Variants in TRPM3 observed in about 807,000 individuals in gnomAD.
TRPM3 encodes the protein long transient receptor potential channel 3.
In TRPM3, 77 loss-of-function variants were observed where a neutral mutation model predicts 181.2. The ratio of observed to expected loss-of-function variants is 0.42; its 90% CI spans 0.35 to 0.51. The LOEUF (loss-of-function observed/expected upper bound fraction) is 0.51, where lower values mean the gene tolerates loss of function less well. Among genes scored for constraint, TRPM3 ranks in the 20% least tolerant of loss-of-function variants. The pLI, the probability that TRPM3 is intolerant of heterozygous loss-of-function variation, is 0.01. For missense variants in TRPM3, 1,759 were observed against 2,196.7 expected (o/e 0.80, Z 3.98); for synonymous variants, 745 against 796.4 (o/e 0.94, Z 1.09).
intron 1 of TRPM3, among the ~76,000 whole-genome samples, chr9:71,436,283 CT>C (rs371953373): frequency 0.022 from 2,988 of 136,386 alleles, 100 homozygotes; most frequent in African/African-American, 0.074. Flanking sequence ...TTAAACCTCT[CT>C]TTTTTTTTTC....
chr9:70,981,876 T>C (rs537979371), intron 1 of TRPM3, among the ~76,000 whole-genome samples: 1 of 152,182 alleles, frequency 6.6e-6, no homozygotes, highest in African/African-American at 2.4e-5. Context: ...CTTTGTATTA[T>C]CCCCAAACAA....
intron 9 of TRPM3, among the ~76,000 whole-genome samples, chr9:70,656,995 G>T (rs2060441576): frequency 6.6e-6 from 1 of 151,238 alleles, no homozygotes; most frequent in Non-Finnish European, 1.5e-5. Context: ...CATGGTAAAT[G>T]TAGTCCTAGA....
chr9:71,353,721 TAA>T (rs147140259), intron 1 of TRPM3, among the ~76,000 whole-genome samples: 2,190 of 152,324 alleles, frequency 0.014, 25 homozygotes, highest in Non-Finnish European at 0.024. Context: ...ACCCCAAACC[TAA>T]GTTTCCCTTC....
chr9:71,211,380 G>T (rs114249723), intron 1 of TRPM3, among the ~76,000 whole-genome samples: 208 of 148,708 alleles, frequency 1.4e-3, no homozygotes, highest in African/African-American at 4.8e-3. Flanking sequence ...TTTTTAAATA[G>T]GAAGAGTAGT....
At chr9:71,178,543 CAT>C (rs1275763936) in intron 1 of TRPM3, among the ~76,000 whole-genome samples, 3 of 152,070 alleles carry the variant, frequency 2.0e-5, no homozygotes, top group African/African-American at 7.2e-5. Flanking sequence ...AAAAATCTGA[CAT>C]GTGACATTTG....
chr9:70,606,651 G>GTGTGTGTGTGTA (rs145779027), intron 19 of TRPM3, among the ~76,000 whole-genome samples: 19 of 140,682 alleles, frequency 1.4e-4, no homozygotes, highest in South Asian at 9.2e-4. Flanking sequence ...GTGTGTGTGT[G>GTGTGTGTGTGTA]TATATATATA....
chr9:70,743,236 T>G (rs1451780534), intron 8 of TRPM3, among the ~76,000 whole-genome samples: 5 of 152,154 alleles, frequency 3.3e-5, no homozygotes, highest in African/African-American at 2.4e-5. Flanking sequence ...GCTAAGGAAC[T>G]GAAACTTAAT....
At chr9:70,558,018 A>G (rs1238121073) in intron 22 of TRPM3, among the ~76,000 whole-genome samples, 1 of 152,224 alleles carries the variant, frequency 6.6e-6, no homozygotes, top group Non-Finnish European at 1.5e-5. Flanking sequence ...AAGGTTAATC[A>G]GTGTATTTTA....
At chr9:71,374,634 G>C (rs950540074) in intron 1 of TRPM3, among the ~76,000 whole-genome samples, 1 of 152,132 alleles carries the variant, frequency 6.6e-6, no homozygotes, top group Non-Finnish European at 1.5e-5. Context: ...GGGTGTTCAA[G>C]TAGGAAAAGA....
At chr9:71,038,226 A>G (rs1292713272) in intron 1 of TRPM3, among the ~76,000 whole-genome samples, 2 of 152,190 alleles carry the variant, frequency 1.3e-5, no homozygotes, top group Admixed American at 6.5e-5. Context: ...CCACTAATGA[A>G]TGTAGATCAG....
At chr9:71,234,671 A>T (rs570168416) in intron 1 of TRPM3, among the ~76,000 whole-genome samples, 82 of 152,148 alleles carry the variant, frequency 5.4e-4, no homozygotes, top group African/African-American at 2.0e-3. Flanking sequence ...ACCCACCTTA[A>T]TGTCTTCATT....
chr9:70,842,978 G>C (rs764288438), intron 5 of TRPM3, 25 bp downstream of exon 5: 2 of 1,608,066 alleles, frequency 1.2e-6, no homozygotes, highest in Non-Finnish European at 1.7e-6. Flanking sequence ...AGAAGTCATG[G>C]AAAGCGACAG....
chr9:70,947,647 G>A (rs915289554), intron 1 of TRPM3, among the ~76,000 whole-genome samples: 12 of 152,090 alleles, frequency 7.9e-5, no homozygotes, highest in Admixed American at 4.6e-4. Context: ...CAGAGAAGGT[G>A]GGGGGATGGA....
chr9:71,201,520 G>A (rs966574375), intron 1 of TRPM3, among the ~76,000 whole-genome samples: 62 of 152,098 alleles, frequency 4.1e-4, no homozygotes, highest in African/African-American at 1.4e-3. Context: ...CCAATCAGAC[G>A]TAGATTTGGT....
chr9:71,045,001 T>C (rs185799053), intron 1 of TRPM3, among the ~76,000 whole-genome samples: 129 of 152,250 alleles, frequency 8.5e-4, no homozygotes, highest in Admixed American at 2.4e-3. Flanking sequence ...TTGCTCTCTG[T>C]TGTATTTTGG....
chr9:71,144,520 C>T (rs2134571415), intron 1 of TRPM3, among the ~76,000 whole-genome samples: 1 of 152,204 alleles, frequency 6.6e-6, no homozygotes, highest in South Asian at 2.1e-4. Context: ...TGGGACTTGG[C>T]TTAGGGGAAG....
intron 9 of TRPM3, among the ~76,000 whole-genome samples, chr9:70,647,268 T>G (rs1380190523): frequency 1.3e-5 from 2 of 152,054 alleles, no homozygotes; most frequent in Non-Finnish European, 2.9e-5. Flanking sequence ...ATATCCCTAA[T>G]GAACACAGAA....
intron 1 of TRPM3, among the ~76,000 whole-genome samples, chr9:71,427,431 C>T (rs905248803): frequency 6.6e-6 from 1 of 152,126 alleles, no homozygotes; most frequent in Non-Finnish European, 1.5e-5. Context: ...CTGATATATG[C>T]TAACATCGAG....
intron 1 of TRPM3, among the ~76,000 whole-genome samples, chr9:71,217,161 A>G (rs2079938869): frequency 6.6e-6 from 1 of 151,642 alleles, no homozygotes; most frequent in African/African-American, 2.4e-5. Context: ...CGTGTTAGCC[A>G]GGATGGTCTC....
Sources: gnomAD v4.1 joint callset for allele counts (sites outside exome capture counted in the v4.1 genomes callset) on GRCh38, gnomAD v4.1.1 for gene constraint, MANE v1.5 for transcripts, NCBI Gene and HGNC (gene_info 2026-07-23, HGNC 2026-07-21) for gene names.